WWOX: variants seen among roughly 807,000 people sequenced by gnomAD.
The protein encoded by WWOX is WW domain containing oxidoreductase, also known as WW domain-containing oxidoreductase.
In WWOX, 69 loss-of-function variants were observed where a neutral mutation model predicts 46.2. That is an observed-to-expected ratio of 1.49 (90% CI 1.23 to 1.82). WWOX has a LOEUF of 1.82. Ranked by LOEUF, WWOX falls within the 40% of genes most tolerant of loss-of-function variation. The pLI is 0.00. For missense variants in WWOX, 919 were observed against 542.6 expected (o/e 1.69, Z -6.89); for synonymous variants, 359 against 202.6 (o/e 1.77, Z -6.56).
chr16:78,269,305 A>T (rs1231316605), intron 5 of WWOX: 1 of 152,076 alleles, frequency 6.6e-6, no homozygotes, highest in African/African-American at 2.4e-5. Flanking sequence ...GGGCCTAATT[A>T]ACCTTGATTA....
intron 8 of WWOX, among the ~76,000 whole-genome samples, chr16:79,019,618 C>G (rs1339692827): frequency 1.3e-5 from 2 of 151,818 alleles, no homozygotes; most frequent in East Asian, 3.9e-4. Context: ...TCCTGCGTAT[C>G]TGTGAGCTCA....
At chr16:78,433,094 C>T (rs72797980) in intron 8 of WWOX, among the ~76,000 whole-genome samples, 3,528 of 152,152 alleles carry the variant, frequency 0.023, 93 homozygotes, top group South Asian at 0.14. Flanking sequence ...GAATGGAGCA[C>T]TTGAAAACTG....
chr16:78,417,510 C>G (rs1010037939), intron 6 of WWOX, among the ~76,000 whole-genome samples: 3 of 151,476 alleles, frequency 2.0e-5, no homozygotes, highest in Admixed American at 1.3e-4. Context: ...AGTTAGTACT[C>G]AAAAAAGGAA....
chr16:78,538,479 C>T (rs2043812808), intron 8 of WWOX, among the ~76,000 whole-genome samples: 1 of 152,166 alleles, frequency 6.6e-6, no homozygotes, highest in South Asian at 2.1e-4. Flanking sequence ...TGGAATGACT[C>T]CATGGATGAC....
At chr16:78,660,294 C>T (rs925384259) in intron 8 of WWOX, among the ~76,000 whole-genome samples, 10 of 152,280 alleles carry the variant, frequency 6.6e-5, no homozygotes, top group Middle Eastern at 6.8e-3. Context: ...AATGCACTTC[C>T]GTACACTAAA....
At chr16:78,382,015 C>A (rs1200637623) in intron 5 of WWOX, among the ~76,000 whole-genome samples, 3 of 152,118 alleles carry the variant, frequency 2.0e-5, no homozygotes, top group African/African-American at 7.2e-5. Flanking sequence ...TGCTGCTATG[C>A]CCAGCCAGTT....
intron 8 of WWOX, chr16:79,106,712 T>TGCCTCAAGCAACTCTCCA: frequency 6.8e-6 from 1 of 146,756 alleles, no homozygotes; most frequent in Non-Finnish European, 1.5e-5. Context: ...GCAACTCTCC[T>TGCCTCAAGCAACTCTCCA]GCCTCAAGCA....
At chr16:78,665,481 G>A (rs1567474689) in intron 8 of WWOX, among the ~76,000 whole-genome samples, 2 of 152,120 alleles carry the variant, frequency 1.3e-5, no homozygotes, top group African/African-American at 2.4e-5. Context: ...TTGCTGTGGC[G>A]AGTGGAATCT....
chr16:79,071,134 C>A (rs1352364720), intron 8 of WWOX, among the ~76,000 whole-genome samples: 2 of 152,194 alleles, frequency 1.3e-5, no homozygotes, highest in East Asian at 1.9e-4. Flanking sequence ...CTGTACATTT[C>A]CAGGCTAGCA....
chr16:78,600,291 G>C (rs917507182), intron 8 of WWOX, among the ~76,000 whole-genome samples: 4 of 151,854 alleles, frequency 2.6e-5, no homozygotes, highest in African/African-American at 9.7e-5. Flanking sequence ...CATATCACAG[G>C]GTCACCTGTA....
chr16:78,744,257 G>C (rs972274213), intron 8 of WWOX, among the ~76,000 whole-genome samples: 2 of 152,032 alleles, frequency 1.3e-5, no homozygotes, highest in African/African-American at 4.8e-5. Flanking sequence ...TAAGCTGAAG[G>C]CACAGGACTT....
intron 8 of WWOX, among the ~76,000 whole-genome samples, chr16:79,096,329 C>T (rs994105319): frequency 1.3e-5 from 2 of 152,158 alleles, no homozygotes; most frequent in East Asian, 3.9e-4. Context: ...GAGTGCAAGC[C>T]ATGCTCTCGA....
At chr16:78,718,742 T>G in intron 8 of WWOX, among the ~76,000 whole-genome samples, 1 of 148,718 alleles carries the variant, frequency 6.7e-6, no homozygotes, top group South Asian at 2.1e-4. Context: ...TTCTGAAGGA[T>G]GTTTTTTTAA....
chr16:78,206,448 T>C (rs559541341), intron 5 of WWOX, among the ~76,000 whole-genome samples: 5 of 152,302 alleles, frequency 3.3e-5, no homozygotes, highest in African/African-American at 9.6e-5. Context: ...CTTTAAATGT[T>C]GACCCCATTT....
At chr16:79,025,226 T>C (rs896110559) in intron 8 of WWOX, among the ~76,000 whole-genome samples, 1 of 152,184 alleles carries the variant, frequency 6.6e-6, no homozygotes, top group African/African-American at 2.4e-5. Context: ...GCAGGGAGAT[T>C]AGCTGAGAGG....
intron 8 of WWOX, among the ~76,000 whole-genome samples, chr16:78,739,724 T>C (rs1473789979): frequency 6.6e-6 from 1 of 152,088 alleles, no homozygotes; most frequent in Non-Finnish European, 1.5e-5. Flanking sequence ...GGCAGGAGAA[T>C]CGCTTGAACC....
intron 8 of WWOX, among the ~76,000 whole-genome samples, chr16:78,507,456 G>A (rs529501078): frequency 6.6e-6 from 1 of 152,248 alleles, no homozygotes; most frequent in East Asian, 1.9e-4. Context: ...GGCATTTCTG[G>A]GTAACACTTT....
intron 8 of WWOX, among the ~76,000 whole-genome samples, chr16:79,130,561 G>A (rs994373813): frequency 2.6e-4 from 40 of 152,132 alleles, no homozygotes; most frequent in African/African-American, 9.7e-4. Context: ...TCACATCCTG[G>A]TAATCTTACA....
intron 8 of WWOX, among the ~76,000 whole-genome samples, chr16:78,903,914 A>G (rs1312680341): frequency 3.3e-5 from 5 of 152,172 alleles, no homozygotes; most frequent in Admixed American, 2.6e-4. Flanking sequence ...GTCTGAAGGT[A>G]CAGAGTGGAT....
Sources: gnomAD v4.1 joint callset for allele counts (sites outside exome capture counted in the v4.1 genomes callset) on GRCh38, gnomAD v4.1.1 for gene constraint, MANE v1.5 for transcripts, NCBI Gene and HGNC (gene_info 2026-07-23, HGNC 2026-07-21) for gene names.